Variants in WWOX observed in about 807,000 individuals in gnomAD.
WWOX encodes WW domain-containing oxidoreductase.
A neutral mutation model predicts 46.2 loss-of-function variants in WWOX; 69 were observed. The observed-to-expected ratio is 1.49, with a 90% CI of 1.23 to 1.82. The LOEUF (loss-of-function observed/expected upper bound fraction) is 1.82, where lower values mean the gene tolerates loss of function less well. Ranked by LOEUF, WWOX falls within the 40% of genes most tolerant of loss-of-function variation. The probability of loss-of-function intolerance (pLI) is 0.00; values close to 1 mark genes in which losing one functional copy is unlikely to be tolerated. For synonymous variants in WWOX, 359 were observed against 202.6 expected, an observed-to-expected ratio of 1.77 and a Z score of -6.56; for missense variants, 919 against 542.6, an observed-to-expected ratio of 1.69 and a Z score of -6.89.
chr16:79,110,714 C>G (rs772397956), intron 8 of WWOX: 1 of 152,168 alleles, frequency 6.6e-6, no homozygotes, highest in Non-Finnish European at 1.5e-5. Context: ...TTCAACAATT[C>G]TGAAGAAGAA....
At chr16:78,963,624 A>G (rs189855880) in intron 8 of WWOX, among the ~76,000 whole-genome samples, 1 of 152,330 alleles carries the variant, frequency 6.6e-6, no homozygotes, top group African/African-American at 2.4e-5. Context: ...CTTTTTAAAA[A>G]TAATTAAGGT....
intron 8 of WWOX, among the ~76,000 whole-genome samples, chr16:78,770,322 G>A (rs150104588): frequency 6.6e-6 from 1 of 152,098 alleles, no homozygotes; most frequent in African/African-American, 2.4e-5. Context: ...CTGTACTCCA[G>A]CCTGGGCCAT....
chr16:78,188,965 G>T (rs1447272240), intron 5 of WWOX, among the ~76,000 whole-genome samples: 1 of 152,168 alleles, frequency 6.6e-6, no homozygotes, highest in African/African-American at 2.4e-5. Flanking sequence ...GGGAATAGAG[G>T]CTGCAGAGGA....
chr16:79,209,018 T>C (rs1205194168), intron 8 of WWOX, among the ~76,000 whole-genome samples: 2 of 152,180 alleles, frequency 1.3e-5, no homozygotes, highest in African/African-American at 2.4e-5. Flanking sequence ...AGGTCGTCTT[T>C]GCTTTCGGGT....
chr16:79,189,020 G>A (rs1597459057), intron 8 of WWOX, among the ~76,000 whole-genome samples: 1 of 152,140 alleles, frequency 6.6e-6, no homozygotes, highest in Non-Finnish European at 1.5e-5. Flanking sequence ...CTGTGTGGAA[G>A]AGTTGACAGA....
chr16:78,393,484 C>T (rs139826047), intron 6 of WWOX, among the ~76,000 whole-genome samples: 208 of 151,270 alleles, frequency 1.4e-3, no homozygotes, highest in South Asian at 4.4e-3. Context: ...CGTAGTGAGA[C>T]GCTGTCTCTA....
rs560561762 is a variant in WWOX, at chr16:79,193,861, G to A, written c.1057-17747G>A. ...TTAACGAGTTCAGGGACAAGAGAAG[G>A]CCCCAGTAACCTACAGAAGCAACTA... On this transcript the variant is annotated intron_variant, in intron 8 of 8. Transcript: ENST00000566780. Among the ~76,000 whole-genome samples the A allele has an allele frequency of 7.2e-5, 11 of 152,266 alleles. No homozygotes were observed. The East Asian group carries it at 2.1e-3, about 30-fold the overall frequency.
rs950740252 is a variant in WWOX, at chr16:78,624,655, GA to G, written c.1056+191909del. ...GGCAAGCTGAGATGCTGAGAAGGGG[GA>G]AAAAACCCTCACTTTTATTGCAGCA... On this transcript the variant is annotated intron_variant, in intron 8 of 8. Coordinates refer to ENST00000566780, the MANE Select transcript of WWOX (RefSeq NM_016373.4). 8.5e-5 allele frequency among the ~76,000 whole-genome samples: 13 copies of G among 152,180 alleles called. No homozygotes were observed. The South Asian group carries it at 1.7e-3, about 19-fold the overall frequency.
At chr16:78,768,885 G>A (rs1355700201) in intron 8 of WWOX, among the ~76,000 whole-genome samples, 5 of 152,186 alleles carry the variant, frequency 3.3e-5, no homozygotes, top group Non-Finnish European at 5.9e-5. Context: ...CAATGCCGTT[G>A]TTTGTAAGCA....
intron 5 of WWOX, among the ~76,000 whole-genome samples, chr16:78,209,338 C>G (rs2036486800): frequency 6.6e-6 from 1 of 152,212 alleles, no homozygotes; most frequent in Non-Finnish European, 1.5e-5. Flanking sequence ...ACTTTATCCA[C>G]TTCGGGAGAG....
At chr16:78,212,435 A>G (rs949301268) in intron 5 of WWOX, among the ~76,000 whole-genome samples, 2 of 152,192 alleles carry the variant, frequency 1.3e-5, no homozygotes, top group African/African-American at 4.8e-5. Context: ...GTGATTTGCC[A>G]GGGGGAAATG....
Position 78,278,623 on chromosome 16 carries a change from G to A in WWOX, c.517-108237G>A, listed in dbSNP as rs201737476. 3.7e-4 allele frequency: 599 copies of A among 1,610,618 alleles called. 4 individuals are homozygous for A. Among genetic ancestry groups the A allele is most frequent in the Non-Finnish European group, 4.8e-4 (563 of 1,177,856 alleles). ...TACAGAAAACAAAATACCACCCTCC[G>A]CCAGAAAAGTGCAGAATAAAAATTT... On this transcript the variant is annotated intron_variant, in intron 5 of 8. Coordinates refer to ENST00000566780, the MANE Select transcript of WWOX (RefSeq NM_016373.4).
At chr16:78,373,751 C>T (rs1002039460) in intron 5 of WWOX, among the ~76,000 whole-genome samples, 2 of 151,846 alleles carry the variant, frequency 1.3e-5, no homozygotes, top group African/African-American at 2.4e-5. Context: ...GTGTTTTCTT[C>T]ACTACCAAGT....
intron 8 of WWOX, among the ~76,000 whole-genome samples, chr16:78,747,276 C>G (rs1319630790): frequency 6.6e-6 from 1 of 150,812 alleles, no homozygotes; most frequent in African/African-American, 2.4e-5. Context: ...ATTGCAACCT[C>G]TGCCTCCCGG....
chr16:78,413,715 G>C (rs931202474), intron 6 of WWOX, among the ~76,000 whole-genome samples: 3 of 151,904 alleles, frequency 2.0e-5, no homozygotes, highest in Non-Finnish European at 4.4e-5. Flanking sequence ...TGATTTGTTG[G>C]CTTGAAGATG....
chr16:78,660,090 G>C (rs1381241755), intron 8 of WWOX, among the ~76,000 whole-genome samples: 2 of 152,198 alleles, frequency 1.3e-5, no homozygotes, highest in East Asian at 3.8e-4. Context: ...CTGTGCAAGT[G>C]TGTGCTCTTT....
chr16:78,386,318 T>C (rs1371699625), intron 5 of WWOX, among the ~76,000 whole-genome samples: 3 of 152,334 alleles, frequency 2.0e-5, no homozygotes, highest in East Asian at 3.9e-4. Flanking sequence ...CTGGGTTTAC[T>C]AAGCCAGGGT....
At chr16:79,183,646 C>G (rs575908843) in intron 8 of WWOX, among the ~76,000 whole-genome samples, 1 of 152,146 alleles carries the variant, frequency 6.6e-6, no homozygotes, top group African/African-American at 2.4e-5. Context: ...ATTATTATAA[C>G]AAATGTATCA....
At chr16:78,512,257 C>A (rs1224314092) in intron 8 of WWOX, among the ~76,000 whole-genome samples, 1 of 152,082 alleles carries the variant, frequency 6.6e-6, no homozygotes, top group Non-Finnish European at 1.5e-5. Flanking sequence ...ATTGCTGGTT[C>A]CTGTAAATTT....
Sources: allele counts gnomAD v4.1 joint callset (sites outside exome capture counted in the v4.1 genomes callset), GRCh38; gene constraint gnomAD v4.1.1; transcripts MANE v1.5; gene names NCBI Gene and HGNC (gene_info 2026-07-23, HGNC 2026-07-21).